Variants in FAM210A observed in about 807,000 individuals in gnomAD.
The protein encoded by FAM210A is family with sequence similarity 210 member A.
Under a neutral mutation model 25.3 loss-of-function variants are expected in FAM210A, and 13 were observed. The ratio of observed to expected loss-of-function variants is 0.51; its 90% CI spans 0.33 to 0.82. The LOEUF (loss-of-function observed/expected upper bound fraction) is 0.82. Ranked by LOEUF, FAM210A falls within the 40% of genes least tolerant of loss-of-function variation. The pLI is 0.02. For missense variants in FAM210A, 319 were observed against 323.2 expected (o/e 0.99, Z 0.10); for synonymous variants, 125 against 118.7 (o/e 1.05, Z -0.35).
At chr18:13,702,946 T>A (rs2043752394) in intron 1 of FAM210A, among the ~76,000 whole-genome samples, 1 of 152,102 alleles carries the variant, frequency 6.6e-6, no homozygotes, top group Non-Finnish European at 1.5e-5. Context: ...TTAAAAGGAC[T>A]TTTTTAAAAA....
chr18:13,704,235 T>C (rs2043761494), intron 1 of FAM210A, among the ~76,000 whole-genome samples: 1 of 152,184 alleles, frequency 6.6e-6, no homozygotes, highest in Admixed American at 6.5e-5. Flanking sequence ...GAGTGTAAGT[T>C]TTTGCCTAGA....
Position 13,672,044 on chromosome 18 carries a change from A to G in FAM210A, c.474-71T>C, listed in dbSNP as rs926041794. On this transcript the variant is annotated intron_variant, in intron 2 of 3. Transcript: ENST00000651643. ...ATATTTTCAAAAATTATCTGAAAATACCAAAACCACACTATAATTTTATTA... is the reference window on the plus strand; with the variant it reads ...ATATTTTCAAAAATTATCTGAAAATGCCAAAACCACACTATAATTTTATTA... The G allele has an allele frequency of 3.8e-6, 4 of 1,042,864 alleles. No homozygotes were observed. In the African/African-American group the frequency reaches 6.4e-5, roughly 17 times the overall value. The allele number at this position is 1,042,864 out of a possible 1,614,324, so 64.6% of individuals were successfully genotyped here.
chr18:13,694,215 G>A lies in FAM210A; in HGVS notation c.-28-12110C>T, dbSNP rs186333891. Reference sequence around the variant, plus strand: ...GGAGAACTACAAACCACTGCTTAACGAAATAAAAGAGGACACAAACAAATG... The same window carrying A: ...GGAGAACTACAAACCACTGCTTAACAAAATAAAAGAGGACACAAACAAATG... On this transcript the variant is annotated intron_variant, in intron 1 of 3. Transcript: ENST00000651643. Among the ~76,000 whole-genome samples, 361 of 152,174 alleles carry A rather than the reference G, an allele frequency of 2.4e-3. 2 individuals carry two copies. Among genetic ancestry groups the A allele is most frequent in the Non-Finnish European group, 4.2e-3 (288 of 68,004 alleles).
chr18:13,711,984 C>T (rs1385366637), intron 1 of FAM210A, among the ~76,000 whole-genome samples: 2 of 152,162 alleles, frequency 1.3e-5, no homozygotes, highest in East Asian at 1.9e-4. Flanking sequence ...CTCCTAAAAT[C>T]GGTACTGTGG....
At chr18:13,698,743 A>T (rs1330559355) in intron 1 of FAM210A, among the ~76,000 whole-genome samples, 3 of 152,186 alleles carry the variant, frequency 2.0e-5, no homozygotes, top group Non-Finnish European at 4.4e-5. Context: ...GGGCACAAGG[A>T]ACATCCTTGG....
Position 13,681,787 on chromosome 18 carries a change from T to A in FAM210A, c.291A>T (p.Ser97=). 6.2e-7 allele frequency: 1 copy of A among 1,614,168 alleles called. No individual in the cohort carries two copies. The highest frequency in any genetic ancestry group is 8.5e-7 in the Non-Finnish European group (1 of 1,180,046). ...GAGTTCCCTGAGCTGTGGCACTGGA[T>A]GAAAAAACCCTCCTGAATGAAACAT... The part of the protein sequence containing the change: ...KQHVSFRRVF[S]SSATAQGTPE... Residue 97 remains serine (S), a synonymous_variant, in exon 2 of 4, where the codon TCA becomes TCT. Coordinates refer to ENST00000651643, the MANE Select transcript of FAM210A (RefSeq NM_152352.4).
intron 1 of FAM210A, among the ~76,000 whole-genome samples, chr18:13,695,442 T>C (rs925694036): frequency 2.6e-5 from 4 of 152,192 alleles, no homozygotes. Context: ...CTATTCACAA[T>C]AGCAAAGACT....
intron 1 of FAM210A, among the ~76,000 whole-genome samples, chr18:13,686,844 CCAAA>C (rs2043601687): frequency 6.6e-6 from 1 of 152,086 alleles, no homozygotes; most frequent in Admixed American, 6.5e-5. Flanking sequence ...GTGAATTCTA[CCAAA>C]CATTTAAGGA....
intron 2 of FAM210A, among the ~76,000 whole-genome samples, chr18:13,679,862 ATCTT>A (rs2043536380): frequency 6.6e-6 from 1 of 152,262 alleles, no homozygotes; most frequent in Non-Finnish European, 1.5e-5. Flanking sequence ...CACTGAAGAA[ATCTT>A]AAGCATTATT....
chr18:13,707,987 C>T lies in FAM210A; in HGVS notation c.-29+18342G>A, dbSNP rs1033294603. 3.3e-5 allele frequency among the ~76,000 whole-genome samples: 5 copies of T among 152,034 alleles called. No individual in the cohort carries two copies. In the East Asian group the frequency reaches 5.8e-4, roughly 18 times the overall value. ...GGGATTCTGGGGGCTGCCCAATTTGCGAATAGTTCATTGCTCAGTTAAACT... is the reference window on the plus strand; with the variant it reads ...GGGATTCTGGGGGCTGCCCAATTTGTGAATAGTTCATTGCTCAGTTAAACT... On this transcript the variant is annotated intron_variant, in intron 1 of 3. Transcript: ENST00000651643.
intron 1 of FAM210A, among the ~76,000 whole-genome samples, chr18:13,709,089 A>G (rs1280268311): frequency 1.3e-5 from 2 of 152,212 alleles, no homozygotes; most frequent in Non-Finnish European, 2.9e-5. Flanking sequence ...ACAATTTCTG[A>G]TCAGATTCCT....
chr18:13,706,124 C>T (rs569085042), intron 1 of FAM210A, among the ~76,000 whole-genome samples: 1 of 152,182 alleles, frequency 6.6e-6, no homozygotes, highest in Admixed American at 6.5e-5. Context: ...TGTATTTTGG[C>T]TTCATAATCT....
chr18:13,681,135 T>C (rs898053331), intron 2 of FAM210A, among the ~76,000 whole-genome samples: 9 of 152,226 alleles, frequency 5.9e-5, no homozygotes, highest in Non-Finnish European at 1.2e-4. Flanking sequence ...TATGGAGTCA[T>C]GGTGCTGCCA....
intron 1 of FAM210A, among the ~76,000 whole-genome samples, chr18:13,722,422 G>A (rs1312025634): frequency 6.6e-6 from 1 of 151,926 alleles, no homozygotes; most frequent in East Asian, 1.9e-4. Flanking sequence ...GAGGAAAACC[G>A]GCAATGTCTT....
chr18:13,696,182 T>C (rs1029277205), intron 1 of FAM210A, among the ~76,000 whole-genome samples: 2 of 152,230 alleles, frequency 1.3e-5, no homozygotes, highest in Non-Finnish European at 2.9e-5. Flanking sequence ...AACAATAATA[T>C]CCGAATCAAA....
intron 1 of FAM210A, among the ~76,000 whole-genome samples, chr18:13,711,240 G>A (rs1366761988): frequency 6.6e-6 from 1 of 152,074 alleles, no homozygotes; most frequent in African/African-American, 2.4e-5. Flanking sequence ...GCATCGTGGT[G>A]GGTGCCTGTA....
At chr18:13,706,967 C>T (rs1601963741) in intron 1 of FAM210A, among the ~76,000 whole-genome samples, 1 of 152,234 alleles carries the variant, frequency 6.6e-6, no homozygotes, top group African/African-American at 2.4e-5. Context: ...AAGCATACTC[C>T]AAACTCTTGG....
chr18:13,670,680 T>C (rs1303305328), intron 3 of FAM210A, among the ~76,000 whole-genome samples: 2 of 152,096 alleles, frequency 1.3e-5, no homozygotes, highest in Non-Finnish European at 2.9e-5. Context: ...TAAAGACCCA[T>C]AGGCATAGAA....
rs2043401356 is a variant in FAM210A at position 13,666,400 on chromosome 18, T to A, written c.*80A>T. On this transcript the variant is annotated 3_prime_UTR_variant, in exon 4 of 4. Coordinates refer to ENST00000651643, the MANE Select transcript of FAM210A (RefSeq NM_152352.4). ...ATATTTCGGCAACTAACCAAAAAAA[T>A]AATCAGACACATGTATCTTTGCCCA... The A allele has an allele frequency of 2.6e-6, 3 of 1,167,192 alleles. No individual in the cohort carries two copies. The South Asian group carries it at 4.5e-5, about 18-fold the overall frequency. 72.3% of individuals were successfully genotyped at this position (1,167,192 alleles called of 1,614,324 possible).
Sources: allele counts gnomAD v4.1 joint callset (sites outside exome capture counted in the v4.1 genomes callset), GRCh38; gene constraint gnomAD v4.1.1; transcripts MANE v1.5; gene names NCBI Gene and HGNC (gene_info 2026-07-23, HGNC 2026-07-21).